Variants in HEATR6 observed in about 807,000 individuals in gnomAD.
HEATR6 encodes HEAT repeat containing 6.
Under a neutral mutation model 132.8 loss-of-function variants are expected in HEATR6, and 106 were observed. That is an observed-to-expected ratio of 0.80 (90% CI 0.68 to 0.94). HEATR6 has a LOEUF of 0.94. Ranked by LOEUF, HEATR6 falls within the 40% of genes least tolerant of loss-of-function variation. The pLI is 0.00. For missense variants in HEATR6, 1,339 were observed against 1,425.1 expected, an observed-to-expected ratio of 0.94 and a Z score of 0.97; for synonymous variants, 529 against 537.8, an observed-to-expected ratio of 0.98 and a Z score of 0.23.
rs1568633921 is a variant in HEATR6, at chr17:60,066,402, GAAAAAAGAAAAAACACTT to G, written c.1239-34_1239-17del. The G allele has an allele frequency of 6.6e-7, 1 of 1,507,522 alleles. No homozygotes were observed. The allele number at this position is 1,507,522 out of a possible 1,614,324, so 93.4% of individuals were successfully genotyped here. ...TTGGTAAGACCTTTCATAACCAAGA[GAAAAAAGAAAAAACACTT>G]AAAAAATCATTTTTTTAAAAAAAAT... is the stretch of plus-strand genomic sequence containing the variant. On this transcript the variant is annotated splice_polypyrimidine_tract_variant and intron_variant, in intron 8 of 19. Transcript: ENST00000184956.
At chr17:60,077,385 A>C (rs1162281686) in intron 1 of HEATR6, among the ~76,000 whole-genome samples, 1 of 152,230 alleles carries the variant, frequency 6.6e-6, no homozygotes, top group Non-Finnish European at 1.5e-5. Context: ...ATGGCTGCAC[A>C]CAGGAACAAA....
rs1216884909 is a variant in HEATR6, at chr17:60,066,286, T to C, written c.1339A>G (p.Ile447Val). Residue 447 changes from isoleucine to valine, a missense_variant, in exon 9 of 20, where the codon ATT (isoleucine) becomes GTT (valine). Physicochemically the swap from Ile to Val is conservative, Grantham distance 29. Transcript: ENST00000184956. ...CTGCCAAGTTCAGGCGTATCAGGAA[T>C]AAAAGCTGACCAGTAGCCATAAAGA... ...KVLYGYWSAFIPDTPELGSPQ... is the reference protein window; with the variant it reads ...KVLYGYWSAFVPDTPELGSPQ... 2 of 1,614,004 alleles carry C rather than the reference T, an allele frequency of 1.2e-6. No homozygotes were observed. The highest frequency in any genetic ancestry group is 4.5e-5 in the East Asian group (2 of 44,878).
chr17:60,060,864 A>C (rs776604502), intron 9 of HEATR6, among the ~76,000 whole-genome samples: 1 of 152,236 alleles, frequency 6.6e-6, no homozygotes, highest in Non-Finnish European at 1.5e-5. Flanking sequence ...GTACAATCTT[A>C]TGAATGGAAA....
chr17:60,056,045 A>G lies in HEATR6; in HGVS notation c.2202+70T>C, dbSNP rs1906733245. ...ATATAAAGTGAAGAAAAGGAAGGAT[A>G]TAAAGTGAAGAAAAGGAAGGATATA... On this transcript the variant is annotated intron_variant, in intron 13 of 19. Transcript: ENST00000184956. 11 of 1,517,700 alleles carry G rather than the reference A, an allele frequency of 7.2e-6. No homozygotes were observed. The Admixed American group carries it at 2.0e-4, about 28-fold the overall frequency. The allele number at this position is 1,517,700 out of a possible 1,614,324, so 94.0% of individuals were successfully genotyped here.
At chr17:60,045,920 C>T (rs1325569350) in intron 19 of HEATR6, 105 bp downstream of exon 19, 5 of 859,974 alleles carry the variant, frequency 5.8e-6, no homozygotes, top group East Asian at 2.4e-5. Context: ...CCATTTTTTC[C>T]TAATACTATG....
In HEATR6 at chr17:60,043,610, C is replaced by G. The variant is rs1180425150; in HGVS notation, c.3499G>C (p.Asp1167His). The G allele has an allele frequency of 1.2e-6, 2 of 1,613,594 alleles. No individual in the cohort carries two copies. Among genetic ancestry groups the G allele is most frequent in the African/African-American group, 2.7e-5 (2 of 74,848 alleles). The change falls in exon 20 of 20, where the codon GAC becomes CAC. Residue 1167 changes from aspartate (D) to histidine (H), a missense_variant. Physicochemically the swap from Asp to His is moderately conservative, Grantham distance 81. Transcript: ENST00000184956. Reference sequence around the variant, plus strand: ...AGTGCCCCTTGTGATCCAGATGAGTCAAAACAAACGGCCAGGATCTCTTCT... The same window carrying G: ...AGTGCCCCTTGTGATCCAGATGAGTGAAAACAAACGGCCAGGATCTCTTCT... Reference protein sequence around the residue: ...FLEEILAVCFDSSGSQGALPG... With the variant: ...FLEEILAVCFHSSGSQGALPG...
chr17:60,070,909 G>A, intron 5 of HEATR6, 102 bp from the exon 6 acceptor site: 3 of 670,708 alleles, frequency 4.5e-6, no homozygotes, highest in Admixed American at 2.5e-5. Flanking sequence ...ACAGTCTCTA[G>A]ATGATGAAAA....
intron 2 of HEATR6, among the ~76,000 whole-genome samples, chr17:60,074,742 A>AT (rs1315755511): frequency 7.2e-5 from 11 of 152,312 alleles, no homozygotes; most frequent in Non-Finnish European, 1.6e-4. Context: ...ACATTTGGCA[A>AT]TGCCTGTATA....
chr17:60,052,722 G>C (rs1198561024), intron 14 of HEATR6, among the ~76,000 whole-genome samples: 1 of 152,180 alleles, frequency 6.6e-6, no homozygotes, highest in East Asian at 1.9e-4. Context: ...TTTGCTTTTA[G>C]CACTAAGTAG....
intron 9 of HEATR6, chr17:60,064,014 A>C (rs2083225692): frequency 6.6e-6 from 1 of 152,190 alleles, no homozygotes; most frequent in Non-Finnish European, 1.5e-5. Flanking sequence ...TTATTTTAAA[A>C]GCCTGTCCCA....
At position 60,043,287 on chromosome 17, in the gene HEATR6, C is replaced by T; in HGVS notation, c.*276G>A. On this transcript the variant is annotated 3_prime_UTR_variant, in exon 20 of 20. Transcript: ENST00000184956. ...CATTTTTTTTTTCTGAGACTAAATG[C>T]CCTCAAAGCCCGTCTGCTTGGCCTG... 1 of 385,306 alleles carries T rather than the reference C, an allele frequency of 2.6e-6. No homozygotes were observed. Among genetic ancestry groups the T allele is most frequent in the Non-Finnish European group, 4.7e-6 (1 of 214,734 alleles). 23.9% of individuals were successfully genotyped at this position (385,306 alleles called of 1,614,324 possible). A position where few individuals can be genotyped will look rare whatever the true frequency, so the allele number is the denominator to read the frequency against.
intron 14 of HEATR6, among the ~76,000 whole-genome samples, chr17:60,053,535 C>T (rs1237368567): frequency 1.3e-5 from 2 of 152,128 alleles, no homozygotes; most frequent in African/African-American, 4.8e-5. Context: ...GACAGGAAGA[C>T]AAAGGAAAGT....
Position 60,044,006 on chromosome 17 carries a change from A to G in HEATR6, c.3103T>C (p.Ser1035Pro), listed in dbSNP as rs1242200599. ...SVPGKREQYGSVDQYARIWNA... is the reference protein window; with the variant it reads ...SVPGKREQYGPVDQYARIWNA... ...CAGATCCGAGCATACTGGTCAACAG[A>G]CCCGTACTGCTCTCTCTTCCCCGGG... is the stretch of plus-strand genomic sequence containing the variant. The change falls in exon 20 of 20, where the codon TCT (serine) becomes CCT (proline). Residue 1035 changes from serine (S) to proline (P), a missense_variant. Coordinates refer to ENST00000184956, the MANE Select transcript of HEATR6 (RefSeq NM_022070.5). 1.9e-6 allele frequency: 3 copies of G among 1,614,114 alleles called. No homozygotes were observed. In the Admixed American group the frequency reaches 5.0e-5, roughly 27 times the overall value.
chr17:60,075,857 AAG>A, intron 2 of HEATR6: 1 of 185,602 alleles, frequency 5.4e-6, no homozygotes, highest in Non-Finnish European at 1.1e-5. Flanking sequence ...AAAAAAAAAA[AAG>A]AAATTATAAG....
rs765849966 is a variant in HEATR6 at position 60,046,037 on chromosome 17, C to G, written c.2962G>C (p.Ala988Pro). 2.5e-6 allele frequency: 4 copies of G among 1,613,484 alleles called. No homozygotes were observed. The highest frequency in any genetic ancestry group is 1.7e-5 in the Admixed American group (1 of 59,972). The part of the protein sequence containing the change: ...YAMGNVFKNP[A>P]LPLGTAPWTS... ...GAAACTTTCTTACCTAAAGGAAGGG[C>G]AGGATTTTTAAATACATTTCCCATT... Residue 988 changes from alanine to proline, a missense_variant, in exon 19 of 20, where the codon GCC becomes CCC. Physicochemically the swap from Ala to Pro is conservative, Grantham distance 27. Coordinates refer to ENST00000184956, the MANE Select transcript of HEATR6 (RefSeq NM_022070.5).
Position 60,047,397 on chromosome 17 carries a change from G to A in HEATR6, c.2681C>T (p.Pro894Leu), listed in dbSNP as rs1180567699. ...TDTLIVNMET[P>L]DPSFQEEFSG... ...GAACTCTTCCTGGAAACTTGGGTCT[G>A]GTGTTTCCCTGTTCCACCCAAAGCA... Residue 894 changes from proline (P) to leucine (L), a missense_variant, in exon 18 of 20, where the codon CCA becomes CTA. Transcript: ENST00000184956. 1.2e-6 allele frequency: 2 copies of A among 1,610,178 alleles called. No homozygotes were observed. Among genetic ancestry groups the A allele is most frequent in the South Asian group, 2.2e-5 (2 of 90,776 alleles).
chr17:60,062,751 G>A (rs1199263392), intron 9 of HEATR6, among the ~76,000 whole-genome samples: 5 of 152,184 alleles, frequency 3.3e-5, no homozygotes, highest in Non-Finnish European at 5.9e-5. Flanking sequence ...TGGTTTAGCT[G>A]TGTCCCCACC....
rs1221719086 is a variant in HEATR6, at chr17:60,044,126, G to C, written c.2983C>G (p.Pro995Ala). The change falls in exon 20 of 20, where the codon CCA becomes GCA. Residue 995 changes from proline (P) to alanine (A), a missense_variant. Coordinates refer to ENST00000184956, the MANE Select transcript of HEATR6 (RefSeq NM_022070.5). ...GCATTGTAGGCCTGGGAGGTCCATG[G>C]GGCTGTCCCTAGAAAGAATCCACAG... Reference protein sequence around the residue: ...KNPALPLGTAPWTSQAYNALT... With the variant: ...KNPALPLGTAAWTSQAYNALT... The C allele has an allele frequency of 1.2e-6, 2 of 1,605,648 alleles. No homozygotes were observed. Among genetic ancestry groups the C allele is most frequent in the Middle Eastern group, 1.7e-4 (1 of 6,010 alleles).
In HEATR6 at chr17:60,066,317, T is replaced by C. The variant is rs1239101546; in HGVS notation, c.1308A>G (p.Lys436=). The C allele has an allele frequency of 5.0e-6, 8 of 1,614,000 alleles. No individual in the cohort carries two copies. Among genetic ancestry groups the C allele is most frequent in the Non-Finnish European group, 6.8e-6 (8 of 1,179,924 alleles). The part of the protein sequence containing the change: ...CFLSTIKSIE[K]KVLYGYWSAF... ...CTGACCAGTAGCCATAAAGAACTTT[T>C]TTTTCTATCGATTTTATAGTAGAAA... Residue 436 remains lysine, a synonymous_variant, in exon 9 of 20, where the codon AAA becomes AAG. Transcript: ENST00000184956.
Sources: allele counts gnomAD v4.1 joint callset (sites outside exome capture counted in the v4.1 genomes callset), GRCh38; gene constraint gnomAD v4.1.1; transcripts MANE v1.5; gene names NCBI Gene and HGNC (gene_info 2026-07-23, HGNC 2026-07-21).